SPMAP2: variants seen among roughly 807,000 people sequenced by gnomAD.
The protein encoded by SPMAP2 is Theg homolog.
At chr19:366,392 CGTGT>C in the SPMAP2 span, among the ~76,000 whole-genome samples, 1 of 151,926 alleles carries the variant, frequency 6.6e-6, no homozygotes, top group Non-Finnish European at 1.5e-5. Flanking sequence ...TTATACTCGC[CGTGT>C]GTGTGTGGCG....
At chr19:375,314 T>C in the SPMAP2 span, among the ~76,000 whole-genome samples, 1 of 152,106 alleles carries the variant, frequency 6.6e-6, no homozygotes, top group Admixed American at 6.5e-5. Context: ...TCCCATTTCT[T>C]ATTCTCTCTG....
chr19:365,778 A>T, the SPMAP2 span, among the ~76,000 whole-genome samples: 1 of 145,708 alleles, frequency 6.9e-6, no homozygotes, highest in East Asian at 2.0e-4. Context: ...TGTGAGCACA[A>T]ACAGCCACAC....
chr19:375,710 C>A, the SPMAP2 span: 1 of 1,605,670 alleles, frequency 6.2e-7, no homozygotes, highest in Non-Finnish European at 8.5e-7. Context: ...GGACTCTCTC[C>A]AACTCAGAAA....
At chr19:375,685 C>T in the SPMAP2 span, 1 of 1,593,648 alleles carries the variant, frequency 6.3e-7, no homozygotes, top group Non-Finnish European at 8.5e-7. Context: ...ATGTCCTCTT[C>T]CAAGTCCTTG....
the SPMAP2 span, among the ~76,000 whole-genome samples, chr19:363,591 T>C: frequency 6.6e-6 from 1 of 152,046 alleles, no homozygotes; most frequent in African/African-American, 2.4e-5. Context: ...TGGAGTGCAG[T>C]AGCATGACCT....
the SPMAP2 span, chr19:374,104 A>C: frequency 6.7e-7 from 1 of 1,489,216 alleles, no homozygotes; most frequent in East Asian, 2.4e-5. Context: ...CACCGCCCAG[A>C]GGGCCACCGT....
At chr19:366,625 G>T in the SPMAP2 span, among the ~76,000 whole-genome samples, 4 of 152,196 alleles carry the variant, frequency 2.6e-5, no homozygotes, top group Non-Finnish European at 5.9e-5. Flanking sequence ...CTTACATAAA[G>T]AGCTGCTCCC....
the SPMAP2 span, chr19:375,817 T>G: frequency 6.2e-7 from 1 of 1,608,422 alleles, no homozygotes; most frequent in East Asian, 2.2e-5. Context: ...AGCTCTGCAT[T>G]GTCCAGGTCC....
At chr19:372,234 C>T in the SPMAP2 span, among the ~76,000 whole-genome samples, 14 of 152,252 alleles carry the variant, frequency 9.2e-5, no homozygotes, top group African/African-American at 3.4e-4. Context: ...TTAACAAGCA[C>T]AGGGGCTGTA....
chr19:368,614 G>A, the SPMAP2 span, among the ~76,000 whole-genome samples: 1 of 152,144 alleles, frequency 6.6e-6, no homozygotes, highest in African/African-American at 2.4e-5. This position sits in a 1 kb window ranked among gnomAD's most constrained non-coding sequence, Gnocchi z 4.1. Context: ...TGTGATTGTT[G>A]GCTGGTCCTA....
the SPMAP2 span, chr19:371,186 G>C: frequency 7.2e-7 from 1 of 1,393,104 alleles, no homozygotes; most frequent in Non-Finnish European, 9.5e-7. Flanking sequence ...GTGAGTCGCG[G>C]GGGGCACGGG....
chr19:372,574 AAGGCAT>A, the SPMAP2 span: 1 of 1,552,294 alleles, frequency 6.4e-7, no homozygotes, highest in Non-Finnish European at 8.9e-7. Context: ...AGGCGAGAAT[AAGGCAT>A]TTCTGCCAAA....
the SPMAP2 span, chr19:373,650 G>T: frequency 2.1e-6 from 2 of 945,492 alleles, no homozygotes; most frequent in South Asian, 1.5e-5. Flanking sequence ...CTGGGAGAGG[G>T]GGTAGGCCAG....
chr19:364,166 T>C, the SPMAP2 span, among the ~76,000 whole-genome samples: 4,636 of 149,102 alleles, frequency 0.031, 263 homozygotes, highest in African/African-American at 0.11. Context: ...ATCCCATCTC[T>C]ACTAAAAATA....
chr19:371,245 G>A, the SPMAP2 span: 31 of 1,509,810 alleles, frequency 2.1e-5, no homozygotes, highest in African/African-American at 4.3e-5. Flanking sequence ...ACGAATCTTC[G>A]GGGCGGCCAG....
the SPMAP2 span, among the ~76,000 whole-genome samples, chr19:373,108 A>C: frequency 6.6e-6 from 1 of 152,164 alleles, no homozygotes; most frequent in East Asian, 1.9e-4. Context: ...CACAGGAGAG[A>C]ACTGGACTGT....
chr19:374,056 T>C, the SPMAP2 span: 2 of 1,592,002 alleles, frequency 1.3e-6, no homozygotes, highest in South Asian at 1.1e-5. Context: ...TTGCCCTGGG[T>C]CTCCCGTTTG....
the SPMAP2 span, chr19:376,024 T>C: frequency 1.5e-6 from 2 of 1,368,256 alleles, no homozygotes; most frequent in Non-Finnish European, 1.9e-6. Flanking sequence ...CCCAAATGTG[T>C]CTGTGGTGGC....
chr19:366,170 T>C, the SPMAP2 span, among the ~76,000 whole-genome samples: 2 of 149,890 alleles, frequency 1.3e-5, no homozygotes, highest in African/African-American at 2.5e-5. Flanking sequence ...CAACTATGAG[T>C]GGGTGGAAGC....
Sources: allele counts gnomAD v4.1 joint callset (sites outside exome capture counted in the v4.1 genomes callset), GRCh38; gene constraint gnomAD v4.1.1; non-coding constraint Gnocchi (gnomAD v3.1); transcripts MANE v1.5; gene names NCBI Gene and HGNC (gene_info 2026-07-23, HGNC 2026-07-21).